Variants in MARCHF4 observed in about 807,000 individuals in gnomAD.
MARCHF4 encodes the protein membrane associated ring-CH-type finger 4, also known as E3 ubiquitin-protein ligase MARCHF4.
A neutral mutation model predicts 43.9 loss-of-function variants in MARCHF4; 14 were observed. The observed-to-expected ratio is 0.32, with a 90% CI of 0.21 to 0.50. The LOEUF (loss-of-function observed/expected upper bound fraction) is 0.50, where lower values mean the gene tolerates loss of function less well. MARCHF4 is among the 20% of genes least tolerant of loss of function. The pLI is 0.98. For synonymous variants in MARCHF4, 226 were observed against 213.3 expected (o/e 1.06, Z -0.52); for missense variants, 468 against 536.7 (o/e 0.87, Z 1.27).
chr2:216,321,013 C>A (rs762513812), intron 1 of MARCHF4, among the ~76,000 whole-genome samples: 43 of 151,698 alleles, frequency 2.8e-4, no homozygotes, highest in Admixed American at 2.6e-4. Context: ...TGCAAAATTT[C>A]TCTGAAGTTG....
chr2:216,362,990 C>T (rs1001867182), intron 1 of MARCHF4, among the ~76,000 whole-genome samples: 1 of 152,106 alleles, frequency 6.6e-6, no homozygotes, highest in Non-Finnish European at 1.5e-5. Flanking sequence ...TTCCCACACT[C>T]CTTTAAGTGT....
At chr2:216,289,008 T>C (rs1360506516) in intron 1 of MARCHF4, among the ~76,000 whole-genome samples, 1 of 148,200 alleles carries the variant, frequency 6.7e-6, no homozygotes, top group African/African-American at 2.5e-5. Context: ...GGAATTTATA[T>C]ATATCTATAT....
In MARCHF4 at chr2:216,272,900, A is replaced by T. The variant is rs16855806; in HGVS notation, c.865+4772T>A. ...TCAACTCTGGAACTGTGCTGTATCAAATAGGGAGCTCAGACTTTCCTGGCA... is the reference window on the plus strand; with the variant it reads ...TCAACTCTGGAACTGTGCTGTATCATATAGGGAGCTCAGACTTTCCTGGCA... On this transcript the variant is annotated intron_variant, in intron 3 of 3. Transcript: ENST00000273067. Among the ~76,000 whole-genome samples, 590 of 152,356 alleles carry T rather than the reference A, an allele frequency of 3.9e-3. 13 individuals carry two copies. Among genetic ancestry groups the T allele is most frequent in the East Asian group, 0.038 (197 of 5,184 alleles).
intron 2 of MARCHF4, 61 bp downstream of exon 2, chr2:216,283,513 T>G (rs899439793): frequency 6.6e-7 from 1 of 1,513,992 alleles, no homozygotes; most frequent in Non-Finnish European, 8.9e-7. Context: ...AGCCTCCTGC[T>G]AAAGCAGGTG....
At chr2:216,305,069 A>T (rs1206263757) in intron 1 of MARCHF4, among the ~76,000 whole-genome samples, 1 of 152,000 alleles carries the variant, frequency 6.6e-6, no homozygotes, top group African/African-American at 2.4e-5. Flanking sequence ...GAAGCTTACT[A>T]CCTCACAAGG....
chr2:216,292,257 G>C (rs529434919), intron 1 of MARCHF4, among the ~76,000 whole-genome samples: 1 of 152,360 alleles, frequency 6.6e-6, no homozygotes, highest in Non-Finnish European at 1.5e-5. Flanking sequence ...AGAAAGTTAA[G>C]GGACAGAGGT....
rs966955146 is a variant in MARCHF4 at position 216,281,354 on chromosome 2, A to T, written c.672+2220T>A. 4.6e-5 allele frequency among the ~76,000 whole-genome samples: 7 copies of T among 152,240 alleles called. 1 individual carries two copies. The highest frequency in any genetic ancestry group is 3.4e-3 in the Middle Eastern group (1 of 294). ...GCTGGGATCACAAATGTGAGCCACC[A>T]TGCCTGGCCTATTTCTCATGACTCT... On this transcript the variant is annotated intron_variant, in intron 2 of 3. Transcript: ENST00000273067.
intron 1 of MARCHF4, among the ~76,000 whole-genome samples, chr2:216,317,789 G>A (rs550504096): frequency 3.3e-5 from 5 of 152,264 alleles, no homozygotes; most frequent in South Asian, 4.1e-4. Context: ...TGACCGGGTC[G>A]TGTGGTGATG....
In MARCHF4 at chr2:216,259,469, T is replaced by A; in HGVS notation, c.1076A>T (p.Gln359Leu). ...EETAGTPAPE[Q>L]GPAQAAGHPS... is the part of the protein sequence containing the mutation. ...GTGGCCGGCAGCCTGGGCAGGGCCC[T>A]GCTCAGGGGCAGGGGTGCCTGCGGT... Residue 359 changes from glutamine to leucine, a missense_variant, in exon 4 of 4, where the codon CAG (glutamine) becomes CTG (leucine). This residue lies in a region of MARCHF4 where 120 missense variants were observed against 127.1 expected (regional missense o/e 0.94). Transcript: ENST00000273067. The A allele has an allele frequency of 6.2e-7, 1 of 1,614,140 alleles. No homozygotes were observed. Among genetic ancestry groups the A allele is most frequent in the Non-Finnish European group, 8.5e-7 (1 of 1,179,994 alleles).
chr2:216,334,917 G>A (rs1692136314), intron 1 of MARCHF4, among the ~76,000 whole-genome samples: 1 of 152,226 alleles, frequency 6.6e-6, no homozygotes, highest in Non-Finnish European at 1.5e-5. Context: ...ACTGAAAGTA[G>A]CCTGTGGATT....
intron 1 of MARCHF4, among the ~76,000 whole-genome samples, chr2:216,346,645 A>G (rs1488873035): frequency 6.6e-6 from 1 of 152,176 alleles, no homozygotes; most frequent in East Asian, 1.9e-4. Flanking sequence ...GGCAAAGGGC[A>G]TAAGTAAGGA....
chr2:216,263,675 A>G (rs1033018315), intron 3 of MARCHF4, among the ~76,000 whole-genome samples: 1 of 152,166 alleles, frequency 6.6e-6, no homozygotes, highest in Non-Finnish European at 1.5e-5. Flanking sequence ...CAAGAAGGAC[A>G]TGGGCCCCAC....
intron 1 of MARCHF4, among the ~76,000 whole-genome samples, chr2:216,334,080 A>G (rs1303383615): frequency 6.6e-6 from 1 of 152,130 alleles, no homozygotes; most frequent in Non-Finnish European, 1.5e-5. Flanking sequence ...ACACTGCATG[A>G]CAAAGGGGAA....
At chr2:216,288,109 C>T (rs1691246786) in intron 1 of MARCHF4, among the ~76,000 whole-genome samples, 1 of 152,150 alleles carries the variant, frequency 6.6e-6, no homozygotes, top group Admixed American at 6.5e-5. Context: ...ACTACAGGCA[C>T]ATGCCACCAT....
In MARCHF4 at chr2:216,258,091, T is replaced by G. The variant is rs573162308; in HGVS notation, c.*1221A>C. The G allele has an allele frequency of 2.6e-5, 4 of 152,164 alleles. No individual in the cohort carries two copies. Among genetic ancestry groups the G allele is most frequent in the Non-Finnish European group, 4.4e-5 (3 of 68,080 alleles). 9.4% of individuals were successfully genotyped at this position (152,164 alleles called of 1,614,324 possible). A position where few individuals can be genotyped will look rare whatever the true frequency, so the allele number is the denominator to read the frequency against. On this transcript the variant is annotated 3_prime_UTR_variant, in exon 4 of 4. Coordinates refer to ENST00000273067, the MANE Select transcript of MARCHF4 (RefSeq NM_020814.3). ...GCGAGCAGGAGGGGTCCAGGGGTAG[T>G]GCTCCCTGCCAGGCACCCTTGGGCC...
chr2:216,320,904 C>T (rs977092866), intron 1 of MARCHF4, among the ~76,000 whole-genome samples: 1 of 145,060 alleles, frequency 6.9e-6, no homozygotes, highest in African/African-American at 2.6e-5. Flanking sequence ...TGGTCTCGAA[C>T]TCCTGACCTC....
At chr2:216,363,885 A>G (rs1034176769) in intron 1 of MARCHF4, among the ~76,000 whole-genome samples, 3 of 152,184 alleles carry the variant, frequency 2.0e-5, no homozygotes, top group African/African-American at 7.2e-5. Flanking sequence ...GGATGTCCTG[A>G]GATGAGATGA....
chr2:216,308,047 C>T (rs111683294), intron 1 of MARCHF4, among the ~76,000 whole-genome samples: 36 of 151,990 alleles, frequency 2.4e-4, no homozygotes, highest in African/African-American at 8.5e-4. Flanking sequence ...CAAAGCGAGA[C>T]CCTATCTCAA....
At chr2:216,304,294 T>G (rs1405280741) in intron 1 of MARCHF4, among the ~76,000 whole-genome samples, 2 of 152,206 alleles carry the variant, frequency 1.3e-5, no homozygotes, top group Non-Finnish European at 2.9e-5. Flanking sequence ...GCATCTTCAA[T>G]TGTAGCTATA....
Sources: allele counts gnomAD v4.1 joint callset (sites outside exome capture counted in the v4.1 genomes callset), GRCh38; gene constraint gnomAD v4.1.1; regional missense constraint gnomAD v4.1.1; transcripts MANE v1.5; gene names NCBI Gene and HGNC (gene_info 2026-07-23, HGNC 2026-07-21).